ARHGAP28: variants seen among roughly 807,000 people sequenced by gnomAD.
The protein encoded by ARHGAP28 is rho GTPase-activating protein 28.
A neutral mutation model predicts 90.7 loss-of-function variants in ARHGAP28; 56 were observed. The ratio of observed to expected loss-of-function variants is 0.62; its 90% CI spans 0.50 to 0.77. The LOEUF (loss-of-function observed/expected upper bound fraction) is 0.77. ARHGAP28 is among the 30% of genes least tolerant of loss of function. The pLI is 0.00. For synonymous variants in ARHGAP28, 308 were observed against 323.3 expected, an observed-to-expected ratio of 0.95 and a Z score of 0.51; for missense variants, 869 against 900.9, an observed-to-expected ratio of 0.96 and a Z score of 0.45.
chr18:6,809,520 A>G (rs906309414), intron 1 of ARHGAP28, among the ~76,000 whole-genome samples: 2 of 152,122 alleles, frequency 1.3e-5, no homozygotes, highest in Admixed American at 6.5e-5. Context: ...GGGAGGCCTC[A>G]TGAAACTTAC....
At chr18:6,831,475 T>TTTTTTTTTTTTC (rs2056715290) in intron 2 of ARHGAP28, among the ~76,000 whole-genome samples, 1 of 141,254 alleles carries the variant, frequency 7.1e-6, no homozygotes, top group African/African-American at 2.9e-5. Flanking sequence ...CTTGATGTTT[T>TTTTTTTTTTTTC]TTTTTTTTTT....
chr18:6,770,391 C>A (rs973544696), intron 1 of ARHGAP28, among the ~76,000 whole-genome samples: 12 of 152,190 alleles, frequency 7.9e-5, no homozygotes, highest in African/African-American at 2.9e-4. Flanking sequence ...TAAAGCAATT[C>A]TACAGGAAAA....
intron 4 of ARHGAP28, among the ~76,000 whole-genome samples, chr18:6,852,067 A>G (rs1398384347): frequency 6.6e-6 from 1 of 152,242 alleles, no homozygotes; most frequent in Non-Finnish European, 1.5e-5. Flanking sequence ...TATATGGTAT[A>G]TCTCAATAAT....
intron 2 of ARHGAP28, among the ~76,000 whole-genome samples, chr18:6,834,867 GTGTGTTGAAA>G (rs2056741528): frequency 6.6e-6 from 1 of 152,162 alleles, no homozygotes; most frequent in Non-Finnish European, 1.5e-5. Context: ...GGTGGGTTTC[GTGTGTTGAAA>G]TACGGAATCC....
chr18:6,835,660 A>G (rs925046549), intron 2 of ARHGAP28, among the ~76,000 whole-genome samples: 30 of 152,126 alleles, frequency 2.0e-4, no homozygotes, highest in Admixed American at 1.0e-3. Context: ...CCAGAAACAT[A>G]TGTGTAGTAG....
Position 6,730,146 on chromosome 18 carries a change from G to A in ARHGAP28, c.122+203G>A, listed in dbSNP as rs997156026. Reference sequence around the variant, plus strand: ...ACGCTCGAAGGCTCCACCAGCCTGGGCTGAAGTCGTTGGCTAGCAGAGATT... The same window carrying A: ...ACGCTCGAAGGCTCCACCAGCCTGGACTGAAGTCGTTGGCTAGCAGAGATT... On this transcript the variant is annotated intron_variant, in intron 1 of 17. Transcript: ENST00000383472. 12 of 453,938 alleles carry A rather than the reference G, an allele frequency of 2.6e-5. No individual in the cohort carries two copies. In the South Asian group the frequency reaches 2.8e-4, roughly 11 times the overall value. The allele number at this position is 453,938 out of a possible 1,614,324, so 28.1% of individuals were successfully genotyped here.
rs151310799 is a variant in ARHGAP28 at position 6,894,887 on chromosome 18, G to A, written c.1901G>A (p.Arg634Gln). The A allele has an allele frequency of 8.0e-5, 129 of 1,613,868 alleles. No homozygotes were observed. The highest frequency in any genetic ancestry group is 1.7e-4 in the Middle Eastern group (1 of 6,060). Reference sequence around the variant, plus strand: ...CTGCAAAAATCACCCTCGGCAAGACGAATGGTAAGAAAAATAATTTCTTTT... The same window carrying A: ...CTGCAAAAATCACCCTCGGCAAGACAAATGGTAAGAAAAATAATTTCTTTT... ...KVLQKSPSAR[R>Q]MSDVPEGVIR... is the part of the protein sequence containing the mutation. The change falls in exon 15 of 18, where the codon CGA (arginine) becomes CAA (glutamine). Residue 634 changes from arginine to glutamine, a missense_variant. Physicochemically the swap from Arg to Gln is conservative, Grantham distance 43. Transcript: ENST00000383472.
At chr18:6,842,681 A>G (rs1446946205) in intron 3 of ARHGAP28, among the ~76,000 whole-genome samples, 1 of 152,138 alleles carries the variant, frequency 6.6e-6, no homozygotes, top group East Asian at 1.9e-4. Context: ...TGACAGATTG[A>G]TTAGTATGGT....
chr18:6,892,318 T>G, intron 14 of ARHGAP28, among the ~76,000 whole-genome samples: 1 of 151,958 alleles, frequency 6.6e-6, no homozygotes, highest in Non-Finnish European at 1.5e-5. Flanking sequence ...CTGGCTAATT[T>G]TTTAAATATT....
At chr18:6,884,948 G>T (rs570429143) in intron 11 of ARHGAP28, among the ~76,000 whole-genome samples, 1 of 152,292 alleles carries the variant, frequency 6.6e-6, no homozygotes, top group East Asian at 1.9e-4. Context: ...CTGACTGTCA[G>T]TTACAAAACA....
rs114338019 is a variant in ARHGAP28, at chr18:6,735,945, C to A, written c.122+6002C>A. 5.8e-3 allele frequency among the ~76,000 whole-genome samples: 883 copies of A among 152,302 alleles called. 10 individuals carry two copies. The highest frequency in any genetic ancestry group is 0.02 in the African/African-American group (848 of 41,554). ...GCGGGTATGCGACGTTGACATCTTA[C>A]TAACGTTGGTGTTAGGTTTGATCTT... On this transcript the variant is annotated intron_variant, in intron 1 of 17. Coordinates refer to ENST00000383472, the MANE Select transcript of ARHGAP28 (RefSeq NM_001366230.1).
At chr18:6,848,206 G>A (rs531257170) in intron 3 of ARHGAP28, among the ~76,000 whole-genome samples, 21 of 152,272 alleles carry the variant, frequency 1.4e-4, no homozygotes, top group South Asian at 4.1e-4. Flanking sequence ...TGCCAGCCCA[G>A]GGGCCTGCCT....
At chr18:6,889,592 AC>A (rs2057248081) in intron 12 of ARHGAP28, among the ~76,000 whole-genome samples, 1 of 152,174 alleles carries the variant, frequency 6.6e-6, no homozygotes, top group Admixed American at 6.5e-5. Flanking sequence ...TTTAATTTTA[AC>A]ATTTGTCAGA....
At position 6,908,130 on chromosome 18, in the gene ARHGAP28, A is replaced by G. The variant is rs1285281473; in HGVS notation, c.2031-830A>G. ...TTTATAGTTTATTTTATTTTGTTTT[A>G]TTTTATTTTATTTTATTTTATTTTC... On this transcript the variant is annotated intron_variant, in intron 16 of 17. Transcript: ENST00000383472. Among the ~76,000 whole-genome samples, 15 of 149,948 alleles carry G rather than the reference A, an allele frequency of 1.0e-4. No homozygotes were observed. In the South Asian group the frequency reaches 2.9e-3, roughly 29 times the overall value.
intron 11 of ARHGAP28, among the ~76,000 whole-genome samples, chr18:6,882,912 A>G (rs2057190199): frequency 6.6e-6 from 1 of 152,218 alleles, no homozygotes; most frequent in Admixed American, 6.5e-5. Context: ...TTGACAAGGA[A>G]TCATTTGGCA....
chr18:6,886,594 AAC>A (rs2057223148), intron 11 of ARHGAP28, among the ~76,000 whole-genome samples: 1 of 152,220 alleles, frequency 6.6e-6, no homozygotes, highest in African/African-American at 2.4e-5. Context: ...TACTGATTTA[AAC>A]ACTCTACATG....
chr18:6,744,248 G>A (rs77130734), intron 1 of ARHGAP28, among the ~76,000 whole-genome samples: 1,876 of 152,256 alleles, frequency 0.012, 37 homozygotes, highest in African/African-American at 0.043. Context: ...AGGCGTTGCA[G>A]CATGTAACCA....
At position 6,871,052 on chromosome 18, in the gene ARHGAP28, G is replaced by A. The variant is rs560467746; in HGVS notation, c.954+320G>A. Among the ~76,000 whole-genome samples, 14 of 152,250 alleles carry A rather than the reference G, an allele frequency of 9.2e-5. No homozygotes were observed. In the East Asian group the frequency reaches 1.7e-3, roughly 19 times the overall value. ...CCTGACCTCACGATCTGCCTGCCTCGGCCTCTCAAAGTGCTGGGATTACAG... is the reference window on the plus strand; with the variant it reads ...CCTGACCTCACGATCTGCCTGCCTCAGCCTCTCAAAGTGCTGGGATTACAG... On this transcript the variant is annotated intron_variant, in intron 7 of 17. Transcript: ENST00000383472.
At chr18:6,783,745 A>G (rs534574276) in intron 1 of ARHGAP28, among the ~76,000 whole-genome samples, 4 of 152,298 alleles carry the variant, frequency 2.6e-5, no homozygotes, top group East Asian at 1.9e-4. Context: ...GGTTTGGCCA[A>G]TGGGAGGCAC....
Sources: allele counts gnomAD v4.1 joint callset (sites outside exome capture counted in the v4.1 genomes callset), GRCh38; gene constraint gnomAD v4.1.1; transcripts MANE v1.5; gene names NCBI Gene and HGNC (gene_info 2026-07-23, HGNC 2026-07-21).